CNTN5: variants seen among roughly 807,000 people sequenced by gnomAD.
CNTN5 encodes the protein contactin 5, also known as contactin-5.
Under a neutral mutation model 129.1 loss-of-function variants are expected in CNTN5, and 77 were observed. That is an observed-to-expected ratio of 0.60 (90% confidence interval 0.50 to 0.72). The LOEUF is 0.72. Ranked by LOEUF, CNTN5 falls within the 30% of genes least tolerant of loss-of-function variation. The probability of loss-of-function intolerance (pLI) is 0.00; values close to 1 mark genes in which losing one functional copy is unlikely to be tolerated. For missense variants in CNTN5, 1,478 were observed against 1,328.8 expected (o/e 1.11, Z -1.75); for synonymous variants, 509 against 465.6 (o/e 1.09, Z -1.20).
chr11:99,877,787 A>G (rs1948672517), intron 6 of CNTN5, among the ~76,000 whole-genome samples: 2 of 152,336 alleles, frequency 1.3e-5, no homozygotes, highest in South Asian at 2.1e-4. Flanking sequence ...TTTCCTCATA[A>G]CTATTAAATC....
At chr11:99,027,880 A>G (rs993633979) in intron 1 of CNTN5, among the ~76,000 whole-genome samples, 5 of 151,724 alleles carry the variant, frequency 3.3e-5, no homozygotes, top group Admixed American at 2.6e-4. Context: ...ATGGCGCGAT[A>G]AGTGTAGCAG....
chr11:99,921,832 G>A (rs1211819501), intron 7 of CNTN5, among the ~76,000 whole-genome samples: 1 of 152,022 alleles, frequency 6.6e-6, no homozygotes, highest in East Asian at 1.9e-4. Flanking sequence ...TGATGGAAAA[G>A]TCATAAATAA....
chr11:100,270,947 A>G (rs1182475970), intron 17 of CNTN5, 145 bp from the exon 18 acceptor site: 2 of 582,922 alleles, frequency 3.4e-6, no homozygotes, highest in Non-Finnish European at 5.8e-6. Context: ...TTTACTAATG[A>G]CACTGGAGGT....
intron 2 of CNTN5, among the ~76,000 whole-genome samples, chr11:99,486,707 G>A (rs1945829696): frequency 6.6e-6 from 1 of 152,068 alleles, no homozygotes; most frequent in South Asian, 2.1e-4. Context: ...GCAAAAACTG[G>A]ACTGTTGATT....
chr11:99,958,112 G>A (rs1411795838), intron 8 of CNTN5, among the ~76,000 whole-genome samples: 1 of 152,066 alleles, frequency 6.6e-6, no homozygotes. Context: ...ATTGCTAAAG[G>A]CCTCACAGTT....
At chr11:99,925,894 G>T (rs986588564) in intron 7 of CNTN5, among the ~76,000 whole-genome samples, 13 of 152,062 alleles carry the variant, frequency 8.5e-5, no homozygotes, top group African/African-American at 3.1e-4. Context: ...GATATTCTCT[G>T]CTTCTAAATA....
chr11:99,408,367 CAAAAAA>C (rs765731039), intron 2 of CNTN5, among the ~76,000 whole-genome samples: 2 of 67,270 alleles, frequency 3.0e-5, no homozygotes. Context: ...ACCAGGCTAC[CAAAAAA>C]AAAAAAAAAA....
At chr11:99,754,742 C>G (rs1029988376) in intron 3 of CNTN5, among the ~76,000 whole-genome samples, 7 of 152,148 alleles carry the variant, frequency 4.6e-5, no homozygotes, top group African/African-American at 1.7e-4. Context: ...TTGTTACAGT[C>G]TGTGAGCCAC....
chr11:99,780,182 C>T (rs998174500), intron 3 of CNTN5, among the ~76,000 whole-genome samples: 1 of 151,122 alleles, frequency 6.6e-6, no homozygotes, highest in African/African-American at 2.5e-5. Flanking sequence ...TAGTTTTTTT[C>T]CCCCCCTTCA....
intron 1 of CNTN5, among the ~76,000 whole-genome samples, chr11:99,121,845 A>G (rs576567302): frequency 5.8e-4 from 89 of 152,286 alleles, no homozygotes; most frequent in African/African-American, 2.1e-3. Context: ...TAATGCAGGC[A>G]AGCATAATTT....
At chr11:99,790,396 A>G (rs1186486289) in intron 3 of CNTN5, among the ~76,000 whole-genome samples, 1 of 151,768 alleles carries the variant, frequency 6.6e-6, no homozygotes, top group Admixed American at 6.6e-5. Context: ...CTCAATGTTT[A>G]GCTCCTACTT....
intron 24 of CNTN5, among the ~76,000 whole-genome samples, chr11:100,355,373 A>C (rs1249241219): frequency 6.6e-6 from 1 of 151,712 alleles, no homozygotes; most frequent in Non-Finnish European, 1.5e-5. Flanking sequence ...ATCTCTTGTG[A>C]TAATAATGCC....
At chr11:99,862,587 A>G (rs1265115454) in intron 6 of CNTN5, among the ~76,000 whole-genome samples, 1 of 152,024 alleles carries the variant, frequency 6.6e-6, no homozygotes, top group Non-Finnish European at 1.5e-5. Context: ...TATTTCTTAT[A>G]AAATTCAATT....
chr11:99,403,616 T>G (rs1209180374), intron 2 of CNTN5, among the ~76,000 whole-genome samples: 1 of 152,156 alleles, frequency 6.6e-6, no homozygotes, highest in Non-Finnish European at 1.5e-5. Context: ...ATGGACCCAC[T>G]AGTCGTTCAG....
intron 2 of CNTN5, among the ~76,000 whole-genome samples, chr11:99,348,810 T>A (rs2136076308): frequency 6.6e-6 from 1 of 152,344 alleles, no homozygotes; most frequent in East Asian, 1.9e-4. Flanking sequence ...CTCCTTGGTG[T>A]GCACAGCACT....
At chr11:99,623,124 C>T (rs888964859) in intron 3 of CNTN5, among the ~76,000 whole-genome samples, 1 of 151,998 alleles carries the variant, frequency 6.6e-6, no homozygotes, top group African/African-American at 2.4e-5. Context: ...CTGATAATCC[C>T]CCTCATCCTA....
chr11:99,706,943 T>C (rs941089501), intron 3 of CNTN5, among the ~76,000 whole-genome samples: 1 of 151,170 alleles, frequency 6.6e-6, no homozygotes, highest in African/African-American at 2.4e-5. Context: ...GCTATATATC[T>C]CAATTAATCT....
At chr11:99,391,978 G>A (rs1941284391) in intron 2 of CNTN5, among the ~76,000 whole-genome samples, 2 of 151,792 alleles carry the variant, frequency 1.3e-5, no homozygotes, top group Non-Finnish European at 2.9e-5. Flanking sequence ...ACAAGAAAAT[G>A]TCATGTAAAG....
At chr11:99,124,908 G>T (rs753998810) in intron 1 of CNTN5, among the ~76,000 whole-genome samples, 1 of 151,862 alleles carries the variant, frequency 6.6e-6, no homozygotes, top group East Asian at 1.9e-4. Flanking sequence ...CTCCTAAACT[G>T]AACCAGAAAG....
Sources: allele counts gnomAD v4.1 joint callset (sites outside exome capture counted in the v4.1 genomes callset), GRCh38; gene constraint gnomAD v4.1.1; transcripts MANE v1.5; gene names NCBI Gene and HGNC (gene_info 2026-07-23, HGNC 2026-07-21).